The following WDPCP variants were observed in gnomAD, a reference collection of about 807,000 sequenced individuals.
WDPCP encodes WD repeat containing planar cell polarity effector.
A neutral mutation model predicts 93.1 loss-of-function variants in WDPCP; 71 were observed. The observed-to-expected ratio is 0.76, with a 90% CI of 0.63 to 0.93. WDPCP has a LOEUF of 0.93. Among genes scored for constraint, WDPCP ranks in the 40% least tolerant of loss-of-function variants. The pLI is 0.00. For missense variants in WDPCP, 844 were observed against 887.4 expected (o/e 0.95, Z 0.62); for synonymous variants, 315 against 315.0 (o/e 1.00, Z 0.00).
chr2:63,369,765 G>A (rs1291949716), intron 12 of WDPCP, among the ~76,000 whole-genome samples: 1 of 152,088 alleles, frequency 6.6e-6, no homozygotes, highest in African/African-American at 2.4e-5. Flanking sequence ...GGAACAGAGT[G>A]GGTATTAGGG....
At chr2:63,504,456 A>G (rs1339734578) in intron 1 of WDPCP, among the ~76,000 whole-genome samples, 1 of 151,792 alleles carries the variant, frequency 6.6e-6, no homozygotes, top group Non-Finnish European at 1.5e-5. Flanking sequence ...TCTCCCATAA[A>G]TCAACTCTGA....
chr2:63,122,082 G>A, intron 17 of WDPCP, 26 bp from the exon 18 acceptor site: 1 of 1,555,746 alleles, frequency 6.4e-7, no homozygotes, highest in Non-Finnish European at 8.9e-7. Flanking sequence ...TAAAAATAAT[G>A]TTTAAGCAGA....
chr2:63,508,007 C>T (rs964249026), intron 1 of WDPCP, among the ~76,000 whole-genome samples: 1 of 152,194 alleles, frequency 6.6e-6, no homozygotes, highest in African/African-American at 2.4e-5. Flanking sequence ...TTGGAAAACA[C>T]TCTTCAGGGT....
chr2:63,619,065 T>A (rs765102469), intron 3 of WDPCP, among the ~76,000 whole-genome samples: 4 of 152,196 alleles, frequency 2.6e-5, no homozygotes, highest in Non-Finnish European at 4.4e-5. Flanking sequence ...TGATCCGTGT[T>A]AAAATGTAAA....
intron 3 of WDPCP, among the ~76,000 whole-genome samples, chr2:63,600,480 G>A (rs755895545): frequency 6.6e-6 from 1 of 152,140 alleles, no homozygotes; most frequent in African/African-American, 2.4e-5. Context: ...TACTAGCTCT[G>A]TGATTTTGAG....
chr2:63,414,390 T>C (rs548034223), intron 9 of WDPCP, among the ~76,000 whole-genome samples: 14 of 151,864 alleles, frequency 9.2e-5, no homozygotes, highest in African/African-American at 1.7e-4. Context: ...CAATTCACAA[T>C]TGCAAAATCG....
chr2:63,739,750 T>C (rs1372522441), intron 2 of WDPCP, among the ~76,000 whole-genome samples: 2 of 152,170 alleles, frequency 1.3e-5, no homozygotes, highest in Middle Eastern at 3.4e-3. Flanking sequence ...GTTATTTTTT[T>C]ACTTTTATTA....
chr2:63,296,893 A>G (rs1331459945), intron 13 of WDPCP, among the ~76,000 whole-genome samples: 1 of 152,212 alleles, frequency 6.6e-6, no homozygotes, highest in African/African-American at 2.4e-5. Context: ...ATTCAATGCA[A>G]TTCCTATCGA....
chr2:63,145,486 A>G (rs145525989), intron 17 of WDPCP, among the ~76,000 whole-genome samples: 3,021 of 152,162 alleles, frequency 0.02, 110 homozygotes, highest in African/African-American at 0.069. Flanking sequence ...TGGGTACCTA[A>G]GAGGATTATG....
intron 10 of WDPCP, among the ~76,000 whole-genome samples, chr2:63,394,274 A>C (rs1333878143): frequency 2.0e-5 from 3 of 152,178 alleles, no homozygotes; most frequent in Admixed American, 2.0e-4. Flanking sequence ...GCCTACAACC[A>C]TATGAAAAAA....
intron 3 of WDPCP, among the ~76,000 whole-genome samples, chr2:63,608,226 T>TA (rs1468425517): frequency 6.6e-6 from 1 of 152,206 alleles, no homozygotes; most frequent in Non-Finnish European, 1.5e-5. Context: ...CTGGAGGTAT[T>TA]ACTTTTTAGC....
chr2:63,363,093 T>C (rs1403051562), intron 12 of WDPCP, among the ~76,000 whole-genome samples: 1 of 152,142 alleles, frequency 6.6e-6, no homozygotes, highest in African/African-American at 2.4e-5. Flanking sequence ...ATAATTATTC[T>C]TGTTTTTGTA....
chr2:63,409,619 G>C (rs575980067), intron 9 of WDPCP, among the ~76,000 whole-genome samples: 2 of 151,966 alleles, frequency 1.3e-5, no homozygotes, highest in Non-Finnish European at 2.9e-5. Context: ...ACCAGAGAAA[G>C]GTGAATCCTA....
chr2:63,275,438 G>A (rs949197025), intron 13 of WDPCP, among the ~76,000 whole-genome samples: 1 of 152,132 alleles, frequency 6.6e-6, no homozygotes, highest in Admixed American at 6.6e-5. Flanking sequence ...GTACTAGCTA[G>A]AACAATCAAG....
In WDPCP at chr2:63,605,021, G is replaced by T. The variant is rs923024594; in HGVS notation, n.488+45638C>A. 1.8e-5 allele frequency: 14 copies of T among 768,194 alleles called. 1 individual carries two copies. Among genetic ancestry groups the T allele is most frequent in the Non-Finnish European group, 2.9e-5 (14 of 484,410 alleles). The allele number at this position is 768,194 out of a possible 1,614,324, so 47.6% of individuals were successfully genotyped here. The stretch of plus-strand genomic sequence containing the variant: ...ATCATAGTAAGCCAGTCATGATCTA[G>T]TGTGATCTGATGTGACAGCAGTTGA... On this transcript the variant is annotated intron_variant and non_coding_transcript_variant, in intron 3 of 4. Coordinates refer to the WDPCP transcript ENST00000467687.
intron 6 of WDPCP, among the ~76,000 whole-genome samples, chr2:63,454,713 T>G (rs1698506290): frequency 6.6e-6 from 1 of 152,022 alleles, no homozygotes; most frequent in African/African-American, 2.4e-5. Flanking sequence ...GGCGATCCAG[T>G]GACCCCAATC....
chr2:63,198,623 T>C (rs1335432173), intron 14 of WDPCP, among the ~76,000 whole-genome samples: 1 of 152,188 alleles, frequency 6.6e-6, no homozygotes, highest in Non-Finnish European at 1.5e-5. Context: ...TTTGAAAATG[T>C]GTGGCACCTT....
At chr2:63,358,509 C>T (rs1466438402) in intron 12 of WDPCP, among the ~76,000 whole-genome samples, 2 of 152,110 alleles carry the variant, frequency 1.3e-5, no homozygotes, top group Non-Finnish European at 2.9e-5. Flanking sequence ...CTCTGTTACC[C>T]AAGTTGCAGT....
At chr2:63,466,172 G>C (rs1225828664) in intron 6 of WDPCP, among the ~76,000 whole-genome samples, 1 of 152,024 alleles carries the variant, frequency 6.6e-6, no homozygotes, top group East Asian at 1.9e-4. Context: ...CCAAAGGACA[G>C]GTACTTCTTC....
Sources: gnomAD v4.1 joint callset for allele counts (sites outside exome capture counted in the v4.1 genomes callset) on GRCh38, gnomAD v4.1.1 for gene constraint, MANE v1.5 for transcripts, NCBI Gene and HGNC (gene_info 2026-07-23, HGNC 2026-07-21) for gene names.